The following PCDHGA4 variants were observed in gnomAD, a reference collection of about 807,000 sequenced individuals.
PCDHGA4 encodes protocadherin gamma-A4.
In PCDHGA4, 38 loss-of-function variants were observed where a neutral mutation model predicts 54.6. The observed-to-expected ratio is 0.70, with a 90% CI of 0.54 to 0.91. The LOEUF (loss-of-function observed/expected upper bound fraction) is 0.91. Among genes scored for constraint, PCDHGA4 ranks in the 40% least tolerant of loss-of-function variants. PCDHGA4 has a pLI of 0.00. For missense variants in PCDHGA4, 1,298 were observed against 1,220.9 expected (o/e 1.06, Z -0.94); for synonymous variants, 511 against 512.9 (o/e 1.00, Z 0.05).
At chr5:141,384,694 G>A (rs772190655) in intron 1 of PCDHGA4, 1 of 1,614,084 alleles carries the variant, frequency 6.2e-7, no homozygotes, top group Non-Finnish European at 8.5e-7. Context: ...CAAAGATTCA[G>A]GCCAGAACGC....
At chr5:141,505,913 T>C (rs1457583355) in intron 3 of PCDHGA4, among the ~76,000 whole-genome samples, 1 of 152,098 alleles carries the variant, frequency 6.6e-6, no homozygotes, top group African/African-American at 2.4e-5. Context: ...AAGCATAGAG[T>C]TCTGGGCCTG....
intron 1 of PCDHGA4, chr5:141,421,239 G>A (rs773410079): frequency 6.3e-7 from 1 of 1,599,000 alleles, no homozygotes; most frequent in South Asian, 1.1e-5. Context: ...TGGCGAATCG[G>A]CTACAGCGCG....
chr5:141,465,056 G>A (rs908104635), intron 1 of PCDHGA4, among the ~76,000 whole-genome samples: 9 of 151,044 alleles, frequency 6.0e-5, no homozygotes, highest in Non-Finnish European at 1.3e-4. Context: ...ATATTTTTTT[G>A]AATTGTCTGT....
intron 1 of PCDHGA4, among the ~76,000 whole-genome samples, chr5:141,425,165 A>G (rs1391395593): frequency 6.6e-6 from 1 of 152,140 alleles, no homozygotes; most frequent in Non-Finnish European, 1.5e-5. Flanking sequence ...TAGGGATAGG[A>G]TTTATACTTG....
intron 1 of PCDHGA4, among the ~76,000 whole-genome samples, chr5:141,481,749 C>G (rs958851030): frequency 7.9e-5 from 12 of 151,976 alleles, no homozygotes; most frequent in African/African-American, 2.9e-4. Context: ...GTCAGGAGTC[C>G]AAGACCAGCC....
intron 1 of PCDHGA4, chr5:141,426,585 T>C (rs2096944493): frequency 2.8e-6 from 1 of 358,848 alleles, no homozygotes; most frequent in African/African-American, 2.1e-5. Flanking sequence ...CAAAATCCTC[T>C]GTGTCATACC....
intron 1 of PCDHGA4, chr5:141,392,622 A>C: frequency 3.6e-6 from 2 of 558,650 alleles, no homozygotes; most frequent in Non-Finnish European, 6.1e-6. Flanking sequence ...AACCGAAAAC[A>C]CTCAGATCTC....
chr5:141,449,588 CAAA>C (rs768743917), intron 1 of PCDHGA4, among the ~76,000 whole-genome samples: 1 of 57,486 alleles, frequency 1.7e-5, no homozygotes, highest in Non-Finnish European at 3.7e-5. Context: ...GACTCTGTCT[CAAA>C]AAAAAAAAAA....
intron 1 of PCDHGA4, chr5:141,419,094 G>A (rs1241481126): frequency 2.5e-6 from 4 of 1,613,776 alleles, no homozygotes; most frequent in South Asian, 1.1e-5. Flanking sequence ...GCCCTGGATC[G>A]GGAGCAGACC....
chr5:141,378,838 G>A (rs1352949775), intron 1 of PCDHGA4: 5 of 152,196 alleles, frequency 3.3e-5, no homozygotes, highest in Non-Finnish European at 1.5e-5. Flanking sequence ...GAAAACAGCA[G>A]AGTTTTTGAC....
At chr5:141,419,452 G>T (rs1590172506) in intron 1 of PCDHGA4, 1 of 1,612,754 alleles carries the variant, frequency 6.2e-7, no homozygotes, top group Non-Finnish European at 8.5e-7. Flanking sequence ...TCGAGCTCAC[G>T]CTGCAGGCCC....
chr5:141,360,582 TACA>T (rs1223956986), intron 1 of PCDHGA4: 9 of 1,613,976 alleles, frequency 5.6e-6, no homozygotes, highest in African/African-American at 1.3e-5. Context: ...CTAAGCCAGG[TACA>T]ACATTTCCAC....
rs1380943019 is a variant in PCDHGA4 at position 141,389,411 on chromosome 5, C to T, written c.2514+31790C>T. ...CCTACGTGTCCATAAGCGCGGAGAG[C>T]GGGGTGGTGTTCGCGCAGCGCGCCT... is the stretch of plus-strand genomic sequence containing the variant. On this transcript the variant is annotated intron_variant, in intron 1 of 3. Coordinates refer to ENST00000571252, the MANE Select transcript of PCDHGA4 (RefSeq NM_018917.4). 8 of 1,613,450 alleles carry T rather than the reference C, an allele frequency of 5.0e-6. No homozygotes were observed. The East Asian group carries it at 6.7e-5, about 13-fold the overall frequency.
chr5:141,448,496 G>A (rs1277705943), intron 1 of PCDHGA4, among the ~76,000 whole-genome samples: 1 of 152,024 alleles, frequency 6.6e-6, no homozygotes, highest in Non-Finnish European at 1.5e-5. Flanking sequence ...GTCCCCTGTA[G>A]GTAAACATTT....
At chr5:141,462,235 C>T (rs1389326284) in intron 1 of PCDHGA4, among the ~76,000 whole-genome samples, 1 of 152,206 alleles carries the variant, frequency 6.6e-6, no homozygotes, top group African/African-American at 2.4e-5. Flanking sequence ...GCAGGGATTA[C>T]AGGTATGAGC....
In PCDHGA4 at chr5:141,491,463, C is replaced by CT. The variant is rs765984397; in HGVS notation, c.2515-3343dup. The CT allele has an allele frequency of 6.2e-7, 1 of 1,614,112 alleles. No homozygotes were observed. Among genetic ancestry groups the CT allele is most frequent in the Non-Finnish European group, 8.5e-7 (1 of 1,180,010 alleles). ...GCCAGGACTCACCCTCCCCGGACTT[C>CT]TATAAGCAGTCCAGCCCCAACCTGC... On this transcript the variant is annotated intron_variant, in intron 1 of 3. Coordinates refer to ENST00000571252, the MANE Select transcript of PCDHGA4 (RefSeq NM_018917.4). This position sits in a 1 kb window ranked among gnomAD's most constrained non-coding sequence, Gnocchi z 6.9.
chr5:141,420,255 A>G lies in PCDHGA4; in HGVS notation c.2514+62634A>G, dbSNP rs917458059. The G allele has an allele frequency of 7.6e-6, 12 of 1,569,630 alleles. No homozygotes were observed. Among genetic ancestry groups the G allele is most frequent in the African/African-American group, 1.4e-5 (1 of 73,152 alleles). ...ATTTTAACTCCCAGCGTTGAAGCAG[A>G]TAAGAAGATTCTTAAACAGGTAAGT... is the stretch of plus-strand genomic sequence containing the variant. On this transcript the variant is annotated intron_variant, in intron 1 of 3. Coordinates refer to ENST00000571252, the MANE Select transcript of PCDHGA4 (RefSeq NM_018917.4).
At chr5:141,375,929 CT>C (rs1378296851) in intron 1 of PCDHGA4, 3 of 1,613,620 alleles carry the variant, frequency 1.9e-6, no homozygotes, top group Non-Finnish European at 1.7e-6. Context: ...CGAGCCAGGA[CT>C]TTTCTCAGTG....
intron 1 of PCDHGA4, chr5:141,384,715 T>C: frequency 6.2e-7 from 1 of 1,614,088 alleles, no homozygotes. Flanking sequence ...CTGGCTGTCA[T>C]ACCTCCTGCT....
Sources: gnomAD v4.1 joint callset for allele counts (sites outside exome capture counted in the v4.1 genomes callset) on GRCh38, gnomAD v4.1.1 for gene constraint, Gnocchi (gnomAD v3.1) non-coding constraint, MANE v1.5 for transcripts, NCBI Gene and HGNC (gene_info 2026-07-23, HGNC 2026-07-21) for gene names.